SPATA16: variants seen among roughly 807,000 people sequenced by gnomAD.
The protein encoded by SPATA16 is spermatogenesis-associated protein 16.
Under a neutral mutation model 63.3 loss-of-function variants are expected in SPATA16, and 36 were observed. The observed-to-expected ratio is 0.57, with a 90% CI of 0.44 to 0.75. SPATA16 has a LOEUF of 0.75. SPATA16 is among the 30% of genes least tolerant of loss of function. The pLI is 0.00. For missense variants in SPATA16, 646 were observed against 679.3 expected (o/e 0.95, Z 0.54); for synonymous variants, 203 against 216.7 (o/e 0.94, Z 0.56).
chr3:172,966,858 C>G (rs1733929625), intron 5 of SPATA16, among the ~76,000 whole-genome samples: 1 of 152,124 alleles, frequency 6.6e-6, no homozygotes, highest in Non-Finnish European at 1.5e-5. Context: ...ATAGTTATTA[C>G]ACATCTCCAA....
chr3:173,029,586 G>T (rs914889602), intron 3 of SPATA16, among the ~76,000 whole-genome samples: 5 of 151,866 alleles, frequency 3.3e-5, no homozygotes, highest in African/African-American at 4.8e-5. Context: ...GGGCTGTAAG[G>T]TTGCCTATCT....
rs140758868 is a variant in SPATA16, at chr3:172,954,644, C to G, written c.1081+2033G>C. On this transcript the variant is annotated intron_variant, in intron 6 of 10. Transcript: ENST00000351008. Reference sequence around the variant, plus strand: ...AATAACACCTGACCTTTCCTCTTCCCATGCTGTATGCCCTCAGCCACCTTG... The same window carrying G: ...AATAACACCTGACCTTTCCTCTTCCGATGCTGTATGCCCTCAGCCACCTTG... 2.0e-5 allele frequency among the ~76,000 whole-genome samples: 3 copies of G among 152,296 alleles called. No homozygotes were observed. The East Asian group carries it at 5.8e-4, about 29-fold the overall frequency.
chr3:173,099,489 T>A (rs1005047451), intron 2 of SPATA16, among the ~76,000 whole-genome samples: 2 of 152,162 alleles, frequency 1.3e-5, no homozygotes, highest in Non-Finnish European at 2.9e-5. Flanking sequence ...TTGGTATGTA[T>A]CTCCTGAGGA....
At chr3:173,138,770 C>T (rs1047950373) in intron 1 of SPATA16, among the ~76,000 whole-genome samples, 23 of 152,308 alleles carry the variant, frequency 1.5e-4, no homozygotes, top group African/African-American at 4.3e-4. Flanking sequence ...GTTAAAGAGA[C>T]GCTTTCTAAC....
intron 2 of SPATA16, among the ~76,000 whole-genome samples, chr3:173,090,226 A>C (rs1737189718): frequency 6.6e-6 from 1 of 152,052 alleles, no homozygotes; most frequent in Non-Finnish European, 1.5e-5. Context: ...GTGGCTTGTC[A>C]TGAGACTGTT....
At chr3:172,961,788 A>T (rs1733792184) in intron 5 of SPATA16, among the ~76,000 whole-genome samples, 1 of 152,154 alleles carries the variant, frequency 6.6e-6, no homozygotes, top group African/African-American at 2.4e-5. Context: ...GAAAATTATG[A>T]CTTTACCTCG....
intron 10 of SPATA16, among the ~76,000 whole-genome samples, chr3:172,900,635 T>G (rs954539205): frequency 5.9e-5 from 9 of 152,072 alleles, no homozygotes; most frequent in African/African-American, 1.2e-4. Context: ...TAATGTTTTT[T>G]TTTGTTTGTT....
At chr3:173,020,188 T>C (rs1040233041) in intron 3 of SPATA16, among the ~76,000 whole-genome samples, 1 of 151,852 alleles carries the variant, frequency 6.6e-6, no homozygotes, top group South Asian at 2.1e-4. Flanking sequence ...TCTCAGCTAC[T>C]CGGGAGGCTG....
intron 10 of SPATA16, among the ~76,000 whole-genome samples, chr3:172,901,631 A>G (rs998716763): frequency 6.6e-6 from 1 of 152,062 alleles, no homozygotes; most frequent in Non-Finnish European, 1.5e-5. Flanking sequence ...CATTTTGGGT[A>G]TTTTATTATG....
chr3:172,957,545 C>G (rs1171451505), intron 5 of SPATA16, among the ~76,000 whole-genome samples: 1 of 152,194 alleles, frequency 6.6e-6, no homozygotes, highest in African/African-American at 2.4e-5. Context: ...GAGGAACTTA[C>G]TCCTTTCCTA....
intron 10 of SPATA16, among the ~76,000 whole-genome samples, chr3:172,913,437 A>G (rs573389583): frequency 1.6e-4 from 25 of 152,202 alleles, no homozygotes; most frequent in Non-Finnish European, 3.2e-4. Flanking sequence ...AAGAAAAATC[A>G]CGAAAGCATA....
At chr3:173,103,378 C>T (rs1054999717) in intron 2 of SPATA16, among the ~76,000 whole-genome samples, 1 of 152,220 alleles carries the variant, frequency 6.6e-6, no homozygotes, top group African/African-American at 2.4e-5. Flanking sequence ...GGGCTCTGTC[C>T]CTGCAGCAGA....
chr3:172,948,224 T>C (rs2109613833), intron 6 of SPATA16, among the ~76,000 whole-genome samples: 1 of 152,180 alleles, frequency 6.6e-6, no homozygotes, highest in South Asian at 2.1e-4. Flanking sequence ...TAAACGATTC[T>C]AAAAGCAGCA....
At chr3:172,995,948 C>T (rs1734683613) in intron 4 of SPATA16, among the ~76,000 whole-genome samples, 1 of 152,062 alleles carries the variant, frequency 6.6e-6, no homozygotes, top group African/African-American at 2.4e-5. Flanking sequence ...TTTTTCAAAT[C>T]TCACCAGGTT....
intron 2 of SPATA16, among the ~76,000 whole-genome samples, chr3:173,106,288 A>G (rs564011230): frequency 6.6e-5 from 10 of 152,264 alleles, no homozygotes; most frequent in Non-Finnish European, 1.5e-4. Flanking sequence ...CCCTAGGAAC[A>G]CCCAATTCCT....
intron 2 of SPATA16, among the ~76,000 whole-genome samples, chr3:173,085,782 T>G (rs1218239607): frequency 6.6e-6 from 1 of 152,196 alleles, no homozygotes; most frequent in African/African-American, 2.4e-5. Flanking sequence ...TCATATGGTT[T>G]TTGTCTTTAG....
chr3:173,119,359 A>G (rs1004913919), intron 1 of SPATA16, among the ~76,000 whole-genome samples: 2 of 152,202 alleles, frequency 1.3e-5, no homozygotes, highest in African/African-American at 4.8e-5. Flanking sequence ...ACTGTGACCC[A>G]TTAGATTTTT....
At chr3:172,982,612 C>T (rs1470059794) in intron 4 of SPATA16, among the ~76,000 whole-genome samples, 1 of 152,120 alleles carries the variant, frequency 6.6e-6, no homozygotes, top group Non-Finnish European at 1.5e-5. Flanking sequence ...ATGAACTCAG[C>T]TTATTGTGAA....
intron 2 of SPATA16, among the ~76,000 whole-genome samples, chr3:173,104,076 C>T (rs576124050): frequency 6.6e-6 from 1 of 152,312 alleles, no homozygotes; most frequent in South Asian, 2.1e-4. Context: ...AAATTCTTTG[C>T]TAAGGCATAA....
Sources: allele counts gnomAD v4.1 joint callset (sites outside exome capture counted in the v4.1 genomes callset), GRCh38; gene constraint gnomAD v4.1.1; transcripts MANE v1.5; gene names NCBI Gene and HGNC (gene_info 2026-07-23, HGNC 2026-07-21).